The following FAAH2 variants were observed in gnomAD, a reference collection of about 807,000 sequenced individuals.
FAAH2 encodes fatty acid amide hydrolase 2, also known as fatty-acid amide hydrolase 2.
FAAH2 carries 60 observed loss-of-function variants against 36.9 expected under a neutral mutation model. That is an observed-to-expected ratio of 1.63 (90% CI 1.32 to 2.02). FAAH2 has a LOEUF of 2.02. Ranked by LOEUF, FAAH2 falls within the 30% of genes most tolerant of loss-of-function variation. The probability of loss-of-function intolerance (pLI) is 0.00; values close to 1 mark genes in which losing one functional copy is unlikely to be tolerated. For synonymous variants in FAAH2, 214 were observed against 143.8 expected, an observed-to-expected ratio of 1.49 and a Z score of -3.49; for missense variants, 689 against 397.5, an observed-to-expected ratio of 1.73 and a Z score of -6.23.
chrX:57,297,192 G>A (rs2052190028), intron 2 of FAAH2, among the ~76,000 whole-genome samples: 1 of 103,390 alleles, frequency 9.7e-6, no homozygotes, highest in South Asian at 4.8e-4. Context: ...AATGTTAAGG[G>A]CAGCCAGAGA....
chrX:57,406,273 A>G (rs1389307641), intron 7 of FAAH2, among the ~76,000 whole-genome samples: 2 of 112,336 alleles, frequency 1.8e-5, no homozygotes, highest in African/African-American at 6.5e-5. Flanking sequence ...TGCATTGGCC[A>G]TATGATCTGG....
intron 10 of FAAH2, among the ~76,000 whole-genome samples, chrX:57,476,415 G>C (rs960044511): frequency 1.8e-5 from 2 of 111,486 alleles, no homozygotes; most frequent in Non-Finnish European, 3.8e-5. Flanking sequence ...AAAGGGTGTT[G>C]AATTTTATCA....
At chrX:57,267,236 T>A in the FAAH2 span, among the ~76,000 whole-genome samples, 1 of 112,551 alleles carries the variant, frequency 8.9e-6, no homozygotes, top group African/African-American at 3.2e-5. Context: ...CATGGCAGGT[T>A]TTGCTTTCCT....
chrX:57,160,246 TTTA>T, the FAAH2 span, among the ~76,000 whole-genome samples: 3 of 111,859 alleles, frequency 2.7e-5, no homozygotes, highest in African/African-American at 9.8e-5. Context: ...TTGCCAGTAT[TTTA>T]TTGAGGATTT....
the FAAH2 span, among the ~76,000 whole-genome samples, chrX:57,131,824 C>CT: frequency 9.0e-6 from 1 of 111,717 alleles, no homozygotes; most frequent in African/African-American, 3.2e-5. Context: ...ACTGTAATCT[C>CT]TGAGAGGAAA....
intron 5 of FAAH2, among the ~76,000 whole-genome samples, chrX:57,358,164 T>C (rs1014888249): frequency 9.9e-5 from 11 of 110,599 alleles, no homozygotes; most frequent in Non-Finnish European, 1.9e-4. Flanking sequence ...TCTTTTTTTT[T>C]TTTAAATTTT....
chrX:57,425,401 T>A (rs2147092042), intron 7 of FAAH2, among the ~76,000 whole-genome samples: 1 of 111,265 alleles, frequency 9.0e-6, no homozygotes, highest in African/African-American at 3.3e-5. Flanking sequence ...AGAAAGTACT[T>A]ACCATGGCAT....
At chrX:57,233,169 T>C in the FAAH2 span, among the ~76,000 whole-genome samples, 1 of 111,869 alleles carries the variant, frequency 8.9e-6, no homozygotes. Context: ...ACTTCTGTTA[T>C]GACTAGTAGA....
chrX:57,134,571 C>T, the FAAH2 span: 1 of 111,773 alleles, frequency 8.9e-6, no homozygotes, highest in African/African-American at 3.3e-5. Context: ...TGCCCCTCAT[C>T]TCTAGATAGA....
chrX:57,285,493 G>C (rs1040157241), upstream of FAAH2, among the ~76,000 whole-genome samples: 9 of 111,762 alleles, frequency 8.1e-5, no homozygotes, highest in Non-Finnish European at 1.7e-4. Flanking sequence ...ACATAACAGA[G>C]GGTTGTAAGT....
chrX:57,456,170 G>A (rs1224526643), intron 10 of FAAH2, among the ~76,000 whole-genome samples: 1 of 111,551 alleles, frequency 9.0e-6, no homozygotes, highest in East Asian at 2.8e-4. Flanking sequence ...CCAGAAAATG[G>A]AAATTAAACA....
intron 6 of FAAH2, among the ~76,000 whole-genome samples, chrX:57,380,469 T>C (rs892758316): frequency 2.7e-5 from 3 of 112,091 alleles, no homozygotes; most frequent in Non-Finnish European, 3.8e-5. Context: ...CTTTGATTCT[T>C]ACCCAATCCC....
chrX:57,405,796 C>G (rs2055554544), intron 7 of FAAH2, among the ~76,000 whole-genome samples: 1 of 101,709 alleles, frequency 9.8e-6, no homozygotes, highest in African/African-American at 3.6e-5. Context: ...CATTTAGTGA[C>G]TTTTTAATAT....
At chrX:57,259,396 G>C in the FAAH2 span, among the ~76,000 whole-genome samples, 2 of 111,807 alleles carry the variant, frequency 1.8e-5, no homozygotes, top group African/African-American at 6.5e-5. Flanking sequence ...TGGGGTGTTT[G>C]TATGTCTGTG....
intron 7 of FAAH2, among the ~76,000 whole-genome samples, chrX:57,421,653 A>G (rs1030146803): frequency 1.8e-5 from 2 of 111,447 alleles, no homozygotes; most frequent in African/African-American, 6.5e-5. Flanking sequence ...CTTAAAGATT[A>G]TCTCTAGATA....
chrX:57,241,230 C>T, the FAAH2 span, among the ~76,000 whole-genome samples: 1 of 112,130 alleles, frequency 8.9e-6, no homozygotes. Context: ...AAATGTAAAA[C>T]CAAAAACTAT....
At chrX:57,387,147 T>A (rs2055045292) in intron 7 of FAAH2, among the ~76,000 whole-genome samples, 1 of 111,713 alleles carries the variant, frequency 9.0e-6, no homozygotes, top group African/African-American at 3.2e-5. Context: ...TAAAAATTAT[T>A]TTTTGCCATA....
intron 10 of FAAH2, among the ~76,000 whole-genome samples, chrX:57,472,372 A>G (rs2057186058): frequency 1.8e-5 from 2 of 112,493 alleles, no homozygotes; most frequent in Non-Finnish European, 3.8e-5. Flanking sequence ...TGCAGAATCT[A>G]CAAAGAGCTC....
chrX:57,381,869 T>C (rs779929955), intron 7 of FAAH2, among the ~76,000 whole-genome samples: 1 of 111,702 alleles, frequency 9.0e-6, no homozygotes, highest in South Asian at 3.7e-4. Context: ...CAACAGAATG[T>C]ACATTCTTCT....
Sources: gnomAD v4.1 joint callset for allele counts (sites outside exome capture counted in the v4.1 genomes callset) on GRCh38, gnomAD v4.1.1 for gene constraint, MANE v1.5 for transcripts, NCBI Gene and HGNC (gene_info 2026-07-23, HGNC 2026-07-21) for gene names.